Variants in KCNU1 observed in about 807,000 individuals in gnomAD.
The protein encoded by KCNU1 is potassium channel subfamily U member 1.
In KCNU1, 93 loss-of-function variants were observed where a neutral mutation model predicts 126.8. The observed-to-expected ratio is 0.73, with a 90% CI of 0.62 to 0.87. The LOEUF (loss-of-function observed/expected upper bound fraction) is 0.87, where lower values mean the gene tolerates loss of function less well. Ranked by LOEUF, KCNU1 falls within the 40% of genes least tolerant of loss-of-function variation. The probability of loss-of-function intolerance (pLI) is 0.00; values close to 1 mark genes in which losing one functional copy is unlikely to be tolerated. For synonymous variants in KCNU1, 523 were observed against 494.2 expected (o/e 1.06, Z -0.77); for missense variants, 1,330 against 1,367.1 (o/e 0.97, Z 0.43).
intron 2 of KCNU1, among the ~76,000 whole-genome samples, chr8:36,798,399 C>A (rs1010598813): frequency 2.6e-5 from 4 of 152,172 alleles, no homozygotes; most frequent in Non-Finnish European, 5.9e-5. Context: ...TGTTTATTTG[C>A]CATATTTTGA....
chr8:36,857,187 T>C (rs965444812), intron 18 of KCNU1, among the ~76,000 whole-genome samples: 1 of 152,230 alleles, frequency 6.6e-6, no homozygotes, highest in African/African-American at 2.4e-5. Flanking sequence ...CTTCTCCCAC[T>C]GTGAAACCTC....
intron 19 of KCNU1, among the ~76,000 whole-genome samples, chr8:36,882,373 TA>T (rs1207839228): frequency 2.6e-5 from 4 of 152,130 alleles, no homozygotes. Context: ...ACAGAGTGTG[TA>T]AAAGGGTGAA....
intron 19 of KCNU1, among the ~76,000 whole-genome samples, chr8:36,876,891 A>G (rs571058715): frequency 2.0e-5 from 3 of 152,198 alleles, no homozygotes; most frequent in Non-Finnish European, 4.4e-5. Flanking sequence ...CAGCACACAC[A>G]CAAGGCCAGA....
intron 19 of KCNU1, among the ~76,000 whole-genome samples, chr8:36,873,488 T>A (rs1039756671): frequency 6.6e-6 from 1 of 152,200 alleles, no homozygotes; most frequent in African/African-American, 2.4e-5. Flanking sequence ...TATACAATTA[T>A]TTATACGTTT....
intron 7 of KCNU1, among the ~76,000 whole-genome samples, chr8:36,811,240 G>A (rs558418462): frequency 2.0e-5 from 3 of 152,180 alleles, no homozygotes; most frequent in Non-Finnish European, 4.4e-5. Flanking sequence ...CCAGAAAGAT[G>A]TTTTAAAACA....
At chr8:36,844,522 T>TAA (rs763337082) in intron 16 of KCNU1, among the ~76,000 whole-genome samples, 1 of 152,226 alleles carries the variant, frequency 6.6e-6, no homozygotes, top group Non-Finnish European at 1.5e-5. Flanking sequence ...CTCATTAATA[T>TAA]AAGTCAGTAA....
intron 19 of KCNU1, among the ~76,000 whole-genome samples, chr8:36,900,482 A>G (rs1004182500): frequency 6.6e-6 from 1 of 152,110 alleles, no homozygotes; most frequent in Non-Finnish European, 1.5e-5. Flanking sequence ...TTTGACTACA[A>G]TATGTGTATA....
intron 19 of KCNU1, among the ~76,000 whole-genome samples, chr8:36,892,491 A>C (rs1585522216): frequency 3.5e-5 from 3 of 84,608 alleles, no homozygotes; most frequent in Admixed American, 1.8e-4. Flanking sequence ...TGGTGTTCCC[A>C]CCCCCCACCC....
chr8:36,914,237 A>G (rs923616462), intron 22 of KCNU1, among the ~76,000 whole-genome samples: 5 of 152,212 alleles, frequency 3.3e-5, no homozygotes, highest in Admixed American at 2.6e-4. Context: ...GCAGTTTTCT[A>G]TCCCTTTCAC....
chr8:36,873,495 G>A (rs1041308773), intron 19 of KCNU1, among the ~76,000 whole-genome samples: 4 of 152,054 alleles, frequency 2.6e-5, no homozygotes, highest in South Asian at 2.1e-4. Context: ...TTATTTATAC[G>A]TTTTAAAATA....
intron 5 of KCNU1, among the ~76,000 whole-genome samples, 170 bp from the exon 6 acceptor site, chr8:36,807,205 G>A (rs1403721360): frequency 6.6e-6 from 1 of 152,168 alleles, no homozygotes; most frequent in Admixed American, 6.6e-5. Context: ...AACAGCGTCA[G>A]GGCTAGTATT....
intron 18 of KCNU1, 94 bp downstream of exon 18, chr8:36,845,993 C>A: frequency 1.4e-6 from 1 of 734,788 alleles, no homozygotes; most frequent in Non-Finnish European, 2.3e-6. Context: ...AAGGCAATGT[C>A]CATTTGAACT....
chr8:36,906,448 G>T (rs1412318387), intron 20 of KCNU1, among the ~76,000 whole-genome samples: 2 of 151,858 alleles, frequency 1.3e-5, no homozygotes, highest in Admixed American at 1.3e-4. Context: ...CCTAACCCAG[G>T]GTCTGGCACC....
At chr8:36,930,005 T>C (rs1274452167) in intron 24 of KCNU1, among the ~76,000 whole-genome samples, 4 of 152,158 alleles carry the variant, frequency 2.6e-5, no homozygotes, top group Non-Finnish European at 5.9e-5. Flanking sequence ...AGAAAATAAA[T>C]GGCAAATGAA....
At chr8:36,827,184 C>A (rs1804356628) in intron 10 of KCNU1, among the ~76,000 whole-genome samples, 1 of 152,196 alleles carries the variant, frequency 6.6e-6, no homozygotes, top group South Asian at 2.1e-4. Context: ...CACAACAGGG[C>A]ACTTCTGCCT....
chr8:36,929,339 G>A (rs984560691), intron 24 of KCNU1, among the ~76,000 whole-genome samples: 8 of 144,344 alleles, frequency 5.5e-5, no homozygotes, highest in African/African-American at 2.1e-4. Context: ...AGCCGAGATT[G>A]TGCCACTGCA....
In KCNU1 at chr8:36,909,178, A is replaced by G. The variant is rs549092483; in HGVS notation, c.2107-133A>G. On this transcript the variant is annotated intron_variant, in intron 20 of 26. Coordinates refer to ENST00000399881, the MANE Select transcript of KCNU1 (RefSeq NM_001031836.3). ...GTTCTGTTTTTTATAAACAATTTGC[A>G]AAATTCTATTCACCTTATGAAAGTA... 448 of 650,074 alleles carry G rather than the reference A, an allele frequency of 6.9e-4. 3 individuals carry two copies. The highest frequency in any genetic ancestry group is 4.6e-4 in the Admixed American group (18 of 38,782). The allele number at this position is 650,074 out of a possible 1,614,324, so 40.3% of individuals were successfully genotyped here.
intron 18 of KCNU1, among the ~76,000 whole-genome samples, chr8:36,855,654 T>C (rs558962605): frequency 6.6e-6 from 1 of 152,320 alleles, no homozygotes; most frequent in African/African-American, 2.4e-5. Context: ...AGGCTCCTGT[T>C]GGTTAGTTTC....
chr8:36,885,951 C>T (rs1037094833), intron 19 of KCNU1, among the ~76,000 whole-genome samples: 4 of 152,142 alleles, frequency 2.6e-5, no homozygotes, highest in Admixed American at 2.6e-4. Context: ...AAAGGAGAAA[C>T]ATGGGGAGTT....
Sources: gnomAD v4.1 joint callset for allele counts (sites outside exome capture counted in the v4.1 genomes callset) on GRCh38, gnomAD v4.1.1 for gene constraint, MANE v1.5 for transcripts, NCBI Gene and HGNC (gene_info 2026-07-23, HGNC 2026-07-21) for gene names.